The following DENND5B variants were observed in gnomAD, a reference collection of about 807,000 sequenced individuals.
The protein encoded by DENND5B is DENN domain containing 5B, also known as DENN domain-containing protein 5B.
Under a neutral mutation model 140.6 loss-of-function variants are expected in DENND5B, and 34 were observed. That is an observed-to-expected ratio of 0.24 (90% CI 0.18 to 0.32). The LOEUF (loss-of-function observed/expected upper bound fraction) is 0.32. Among genes scored for constraint, DENND5B ranks in the 10% least tolerant of loss-of-function variants. The pLI is 1.00. For missense variants in DENND5B, 1,142 were observed against 1,560.2 expected (o/e 0.73, Z 4.52); for synonymous variants, 551 against 562.1 (o/e 0.98, Z 0.28).
intron 16 of DENND5B, 21 bp from the exon 17 acceptor site, chr12:31,398,383 T>G: frequency 2.0e-6 from 3 of 1,516,582 alleles, no homozygotes; most frequent in Non-Finnish European, 2.6e-6. Context: ...AGAAAACAAG[T>G]TTTTTATTTT....
chr12:31,492,928 T>A (rs1207224751), intron 2 of DENND5B, among the ~76,000 whole-genome samples: 1 of 152,216 alleles, frequency 6.6e-6, no homozygotes, highest in Non-Finnish European at 1.5e-5. Flanking sequence ...TGTATAACAG[T>A]TTAGGAAAAT....
At chr12:31,492,187 AG>A (rs148401170) in intron 2 of DENND5B, among the ~76,000 whole-genome samples, 20,399 of 152,222 alleles carry the variant, frequency 0.13, 1,613 homozygotes, top group Non-Finnish European at 0.18. Flanking sequence ...ATTATTCTTC[AG>A]GGGGAAACTT....
intron 1 of DENND5B, among the ~76,000 whole-genome samples, chr12:31,588,326 A>G (rs962087390): frequency 1.3e-5 from 2 of 152,142 alleles, no homozygotes; most frequent in African/African-American, 4.8e-5. Flanking sequence ...CTCTGCTGGC[A>G]TGTCCCTAAA....
chr12:31,469,556 T>C (rs922872044), intron 3 of DENND5B, among the ~76,000 whole-genome samples: 3 of 152,116 alleles, frequency 2.0e-5, no homozygotes, highest in East Asian at 1.9e-4. Context: ...TGTGAATCAT[T>C]CTGGGAATTT....
In DENND5B at chr12:31,433,235, G is replaced by T. The variant is rs771022934; in HGVS notation, c.2026C>A (p.Arg676=). ...GPTSNNRWVS[R]SATAQRRKER... is the part of the protein sequence containing the mutation. ...TTCCTGCGCTGTGCAGTGGCACTCC[G>T]ACTTACCCAGCGACTGAAACAATCA... is the stretch of plus-strand genomic sequence containing the variant. The change falls in exon 8 of 21, where the codon CGG becomes AGG. Residue 676 remains arginine (R), a synonymous_variant. Coordinates refer to ENST00000389082, the MANE Select transcript of DENND5B (RefSeq NM_144973.4). 2 of 1,610,444 alleles carry T rather than the reference G, an allele frequency of 1.2e-6. No individual in the cohort carries two copies. Among genetic ancestry groups the T allele is most frequent in the East Asian group, 2.2e-5 (1 of 44,740 alleles).
Position 31,484,829 on chromosome 12 carries a change from T to C in DENND5B, c.238-4574A>G, listed in dbSNP as rs576421159. Among the ~76,000 whole-genome samples the C allele has an allele frequency of 1.3e-4, 20 of 151,432 alleles. No homozygotes were observed. In the East Asian group the frequency reaches 2.5e-3, roughly 19 times the overall value. On this transcript the variant is annotated intron_variant, in intron 2 of 20. Coordinates refer to ENST00000389082, the MANE Select transcript of DENND5B (RefSeq NM_144973.4). ...CAAAACAAAACAAAACAAAACAAAATAAAATAAAAGCATCATTTTCAAGTG... is the reference window on the plus strand; with the variant it reads ...CAAAACAAAACAAAACAAAACAAAACAAAATAAAAGCATCATTTTCAAGTG...
At chr12:31,492,598 T>C (rs1240807285) in intron 2 of DENND5B, among the ~76,000 whole-genome samples, 1 of 152,248 alleles carries the variant, frequency 6.6e-6, no homozygotes, top group Non-Finnish European at 1.5e-5. Flanking sequence ...AAGTTATATT[T>C]TGAAATATCT....
At chr12:31,535,445 C>T (rs891500022) in intron 1 of DENND5B, among the ~76,000 whole-genome samples, 2 of 152,110 alleles carry the variant, frequency 1.3e-5, no homozygotes, top group Admixed American at 6.6e-5. Context: ...CACATACACA[C>T]ACACACACAC....
In DENND5B at chr12:31,418,590, G is replaced by A. The variant is rs562311634; in HGVS notation, c.2471-3142C>T. Reference sequence around the variant, plus strand: ...ATTATAGGCATGAGCCATCACACCCGGCCACAGCTTTCTTTTTGAGGACAA... The same window carrying A: ...ATTATAGGCATGAGCCATCACACCCAGCCACAGCTTTCTTTTTGAGGACAA... On this transcript the variant is annotated intron_variant, in intron 11 of 20. Transcript: ENST00000389082. 4.8e-4 allele frequency among the ~76,000 whole-genome samples: 73 copies of A among 151,850 alleles called. No homozygotes were observed. In the Middle Eastern group the frequency reaches 0.02, roughly 42 times the overall value.
At chr12:31,456,102 G>A (rs1054975381) in intron 4 of DENND5B, among the ~76,000 whole-genome samples, 1 of 151,938 alleles carries the variant, frequency 6.6e-6, no homozygotes, top group Non-Finnish European at 1.5e-5. Context: ...GCCTGAGGTG[G>A]GTGGATCACT....
chr12:31,534,232 T>G (rs1279111659), intron 1 of DENND5B, among the ~76,000 whole-genome samples: 1 of 152,162 alleles, frequency 6.6e-6, no homozygotes, highest in Admixed American at 6.5e-5. Context: ...CGATCTCGGC[T>G]TACTGCAACC....
chr12:31,551,439 C>A (rs1028082441), intron 1 of DENND5B, among the ~76,000 whole-genome samples: 175 of 152,180 alleles, frequency 1.1e-3, no homozygotes, highest in African/African-American at 3.5e-3. Context: ...TTTTGGTACC[C>A]GTACCATGCT....
chr12:31,405,219 A>C (rs527468919), intron 14 of DENND5B, among the ~76,000 whole-genome samples: 47 of 150,166 alleles, frequency 3.1e-4, no homozygotes, highest in Non-Finnish European at 5.8e-4. Context: ...TAAAATTTTA[A>C]AGTTTTTTTT....
At chr12:31,466,248 G>A (rs1203654317) in intron 3 of DENND5B, among the ~76,000 whole-genome samples, 1 of 152,048 alleles carries the variant, frequency 6.6e-6, no homozygotes, top group Non-Finnish European at 1.5e-5. Context: ...AGCTACTCGG[G>A]AGGCTGAAGT....
chr12:31,463,019 T>C (rs1945091346), intron 3 of DENND5B, among the ~76,000 whole-genome samples: 2 of 152,006 alleles, frequency 1.3e-5, no homozygotes, highest in Admixed American at 1.3e-4. Flanking sequence ...TCCCAGCACT[T>C]TGGGAGGCCA....
intron 14 of DENND5B, among the ~76,000 whole-genome samples, chr12:31,405,689 G>A (rs1452683189): frequency 1.3e-5 from 2 of 149,818 alleles, no homozygotes; most frequent in East Asian, 2.0e-4. Flanking sequence ...TTGGGATTAC[G>A]GGGGCTTGCC....
intron 20 of DENND5B, among the ~76,000 whole-genome samples, chr12:31,388,037 G>C (rs895491764): frequency 2.6e-5 from 4 of 152,086 alleles, no homozygotes; most frequent in Non-Finnish European, 4.4e-5. Flanking sequence ...TGTACTTTAA[G>C]AGTTTAAAGT....
At position 31,494,197 on chromosome 12, in the gene DENND5B, CATCCACCT is replaced by C. The variant is rs1187612981; in HGVS notation, c.237+1605_237+1612del. On this transcript the variant is annotated intron_variant, in intron 2 of 20. Transcript: ENST00000389082. ...CTATCTATCTATCCATCCATCCATC[CATCCACCT>C]ACCTACCTACCTACCTCTACCTACC... is the stretch of plus-strand genomic sequence containing the variant. Among the ~76,000 whole-genome samples the C allele has an allele frequency of 3.4e-4, 29 of 84,332 alleles. 1 individual carries two copies. The highest frequency in any genetic ancestry group is 1.2e-3 in the African/African-American group (28 of 24,048). The allele number at this position is 84,332 out of a possible 152,430, so 55.3% of individuals were successfully genotyped here.
intron 1 of DENND5B, among the ~76,000 whole-genome samples, chr12:31,509,827 C>T (rs1352207249): frequency 6.6e-6 from 1 of 152,032 alleles, no homozygotes; most frequent in Non-Finnish European, 1.5e-5. Context: ...TCAAGTTGGC[C>T]CTCATTGAGG....
Sources: allele counts gnomAD v4.1 joint callset (sites outside exome capture counted in the v4.1 genomes callset), GRCh38; gene constraint gnomAD v4.1.1; transcripts MANE v1.5; gene names NCBI Gene and HGNC (gene_info 2026-07-23, HGNC 2026-07-21).